Variants in RAI1 observed in about 807,000 individuals in gnomAD.
RAI1 encodes the protein retinoic acid-induced protein 1.
In RAI1, 9 loss-of-function variants were observed where a neutral mutation model predicts 123.8. The observed-to-expected ratio is 0.07, with a 90% CI of 0.04 to 0.13. RAI1 has a LOEUF of 0.13. Among genes scored for constraint, RAI1 ranks in the 10% least tolerant of loss-of-function variants. The pLI is 1.00. For missense variants in RAI1, 2,256 were observed against 2,545.8 expected (o/e 0.89, Z 2.45); for synonymous variants, 1,231 against 1,127.3 (o/e 1.09, Z -1.84).
chr17:17,788,624 A>G (rs915486739), intron 2 of RAI1, among the ~76,000 whole-genome samples: 1 of 152,036 alleles, frequency 6.6e-6, no homozygotes, highest in African/African-American at 2.4e-5. Context: ...TTGCAGCTAC[A>G]AATCATGAAA....
At position 17,799,084 on chromosome 17, in the gene RAI1, G is replaced by A. The variant is rs184213261; in HGVS notation, c.5565+571G>A. On this transcript the variant is annotated intron_variant, in intron 3 of 5. Coordinates refer to ENST00000353383, the MANE Select transcript of RAI1 (RefSeq NM_030665.4). The surrounding 1 kb of genome is among the most constrained non-coding windows in gnomAD (Gnocchi z 4.5). ...CAGTCACAACAGGCAGGGCGGGGCA[G>A]ATCCAGACCCTCTCACCATTGGCTC... Among the ~76,000 whole-genome samples the A allele has an allele frequency of 1.0e-3, 152 of 152,324 alleles. 1 individual carries two copies. The highest frequency in any genetic ancestry group is 3.5e-3 in the African/African-American group (146 of 41,576).
chr17:17,737,761 C>T (rs1320024903), intron 2 of RAI1, among the ~76,000 whole-genome samples: 13 of 152,162 alleles, frequency 8.5e-5, no homozygotes, highest in Admixed American at 6.5e-5. Flanking sequence ...CAGGGCCCTT[C>T]TCGGGCTCAG....
chr17:17,705,227 C>T (rs1341482878), intron 1 of RAI1, among the ~76,000 whole-genome samples: 4 of 152,144 alleles, frequency 2.6e-5, no homozygotes, highest in Non-Finnish European at 4.4e-5. Context: ...GGAGGAGACC[C>T]GTCAAAAAAT....
chr17:17,701,709 C>G (rs1915229995), intron 1 of RAI1, among the ~76,000 whole-genome samples: 1 of 152,224 alleles, frequency 6.6e-6, no homozygotes, highest in Non-Finnish European at 1.5e-5. Context: ...ACCCTCCCAC[C>G]TCAGCCTCCC....
At chr17:17,760,744 C>T (rs1033204709) in intron 2 of RAI1, among the ~76,000 whole-genome samples, 3 of 152,228 alleles carry the variant, frequency 2.0e-5, no homozygotes, top group Non-Finnish European at 4.4e-5. Flanking sequence ...GCTGGTGCCA[C>T]AGGGCTTAGG....
chr17:17,689,170 C>T (rs1447757144), intron 1 of RAI1, among the ~76,000 whole-genome samples: 3 of 151,894 alleles, frequency 2.0e-5, no homozygotes, highest in Non-Finnish European at 1.5e-5. Context: ...GTTGGCCAGG[C>T]GGGTCTCAAA....
chr17:17,706,862 C>T (rs931196064), intron 1 of RAI1, among the ~76,000 whole-genome samples: 28 of 152,222 alleles, frequency 1.8e-4, no homozygotes, highest in African/African-American at 2.7e-4. Context: ...CATTGGAATG[C>T]TGGTCTTGTG....
At chr17:17,733,232 G>A (rs1702605596) in intron 2 of RAI1, among the ~76,000 whole-genome samples, 1 of 152,166 alleles carries the variant, frequency 6.6e-6, no homozygotes, top group Non-Finnish European at 1.5e-5. Flanking sequence ...AGCTCATCTA[G>A]TAAATGTCAA....
Position 17,776,494 on chromosome 17 carries a change from C to T in RAI1, c.-16-16439C>T, listed in dbSNP as rs1883753. Reference sequence around the variant, plus strand: ...CCAGCGATTCTTGTGCCTCAGCCTCCTGAGTAGCTGGGATTACAGGTGTGT... The same window carrying T: ...CCAGCGATTCTTGTGCCTCAGCCTCTTGAGTAGCTGGGATTACAGGTGTGT... On this transcript the variant is annotated intron_variant, in intron 2 of 5. Coordinates refer to ENST00000353383, the MANE Select transcript of RAI1 (RefSeq NM_030665.4). Among the ~76,000 whole-genome samples, 1,362 of 152,096 alleles carry T rather than the reference C, an allele frequency of 9.0e-3. 17 individuals are homozygous for T. Among genetic ancestry groups the T allele is most frequent in the South Asian group, 0.027 (131 of 4,806 alleles).
intron 2 of RAI1, among the ~76,000 whole-genome samples, chr17:17,759,833 C>T (rs1189498040): frequency 1.3e-5 from 2 of 152,124 alleles, no homozygotes; most frequent in African/African-American, 4.8e-5. Flanking sequence ...AAGCTGTGTC[C>T]GTGAAGCTGA....
chr17:17,797,827 C>G lies in RAI1; in HGVS notation c.4879C>G (p.Pro1627Ala), dbSNP rs770361272. ...AGATGCGCCCAAGCCCCACAGGAAG[C>G]CTTCCTCCTCTGCCTCCTCTTCCTC... ...PGDAPKPHRK[P>A]SSSASSSSSS... The change falls in exon 3 of 6, where the codon CCT becomes GCT. Residue 1627 changes from proline to alanine, a missense_variant. Pro to Ala is a conservative substitution (Grantham distance 27). Transcript: ENST00000353383. 8.7e-6 allele frequency: 14 copies of G among 1,614,050 alleles called. No individual in the cohort carries two copies. The highest frequency in any genetic ancestry group is 6.7e-5 in the East Asian group (3 of 44,866).
At chr17:17,749,693 C>T (rs2030078017) in intron 2 of RAI1, among the ~76,000 whole-genome samples, 1 of 152,198 alleles carries the variant, frequency 6.6e-6, no homozygotes, top group Non-Finnish European at 1.5e-5. Context: ...TCCTCCTTCT[C>T]TCTCATAGAT....
chr17:17,781,200 T>C (rs2031567475), intron 2 of RAI1, among the ~76,000 whole-genome samples: 1 of 152,212 alleles, frequency 6.6e-6, no homozygotes, highest in Admixed American at 6.5e-5. Context: ...GCGGCTGGAA[T>C]GCCCTGCTCC....
Position 17,810,790 on chromosome 17 carries a change from GA to G in RAI1, c.*811del, listed in dbSNP as rs1335229794. ...GAGCGCAAAACCCAAGAAGCGGCCA[GA>G]ACGCACCTCCGGCTCCGGCGGACGC... On this transcript the variant is annotated 3_prime_UTR_variant, in exon 6 of 6. Coordinates refer to ENST00000353383, the MANE Select transcript of RAI1 (RefSeq NM_030665.4). This position sits in a 1 kb window ranked among gnomAD's most constrained non-coding sequence, Gnocchi z 4.6. 4 of 454,952 alleles carry G rather than the reference GA, an allele frequency of 8.8e-6. No individual in the cohort carries two copies. Among genetic ancestry groups the G allele is most frequent in the Non-Finnish European group, 1.8e-5 (4 of 225,744 alleles). The allele number at this position is 454,952 out of a possible 1,614,324, so 28.2% of individuals were successfully genotyped here.
At chr17:17,780,040 G>T (rs1184788699) in intron 2 of RAI1, among the ~76,000 whole-genome samples, 1 of 148,252 alleles carries the variant, frequency 6.7e-6, no homozygotes, top group African/African-American at 2.5e-5. Context: ...CTCCCAAAGT[G>T]CTCGGATTAC....
chr17:17,734,642 A>G (rs1916367759), intron 2 of RAI1, among the ~76,000 whole-genome samples: 1 of 152,198 alleles, frequency 6.6e-6, no homozygotes, highest in Non-Finnish European at 1.5e-5. Flanking sequence ...CTTCCACTGC[A>G]GAGGTGTCAG....
intron 2 of RAI1, among the ~76,000 whole-genome samples, chr17:17,746,634 C>CTTTTTT (rs377692656): frequency 1.9e-3 from 223 of 120,282 alleles, no homozygotes; most frequent in Middle Eastern, 5.4e-3. Flanking sequence ...CTTTTCTTTT[C>CTTTTTT]TTTTTTTTTT....
chr17:17,783,590 C>G (rs2031703090), intron 2 of RAI1, among the ~76,000 whole-genome samples: 1 of 152,194 alleles, frequency 6.6e-6, no homozygotes, highest in Admixed American at 6.5e-5. Context: ...CTCCCCGTCC[C>G]CCTCTGCCCC....
In RAI1 at chr17:17,798,143, C is replaced by A. The variant is rs2032331579; in HGVS notation, c.5195C>A (p.Ala1732Asp). 1.9e-6 allele frequency: 3 copies of A among 1,613,508 alleles called. No individual in the cohort carries two copies. The highest frequency in any genetic ancestry group is 1.7e-5 in the Admixed American group (1 of 60,014). The stretch of plus-strand genomic sequence containing the variant: ...CGGCCAGAAGGCACCTGTGAGGAGG[C>A]CTCGCTGCCGCTTGAGAGAACACTC... ...KVRPEGTCEE[A>D]SLPLERTLKG... The change falls in exon 3 of 6, where the codon GCC (alanine) becomes GAC (aspartate). Residue 1732 changes from alanine to aspartate, a missense_variant. Coordinates refer to ENST00000353383, the MANE Select transcript of RAI1 (RefSeq NM_030665.4).
Sources: allele counts gnomAD v4.1 joint callset (sites outside exome capture counted in the v4.1 genomes callset), GRCh38; gene constraint gnomAD v4.1.1; non-coding constraint Gnocchi (gnomAD v3.1); transcripts MANE v1.5; gene names NCBI Gene and HGNC (gene_info 2026-07-23, HGNC 2026-07-21).